CANX: variants seen among roughly 807,000 people sequenced by gnomAD.
The protein encoded by CANX is epididymis secretory sperm binding protein.
Under a neutral mutation model 75.7 loss-of-function variants are expected in CANX, and 14 were observed. That is an observed-to-expected ratio of 0.19 (90% confidence interval 0.12 to 0.29). CANX has a LOEUF of 0.29. Ranked by LOEUF, CANX falls within the 10% of genes least tolerant of loss-of-function variation. The pLI is 1.00. For missense variants in CANX, 567 were observed against 713.2 expected (o/e 0.79, Z 2.34); for synonymous variants, 227 against 236.9 (o/e 0.96, Z 0.38).
chr5:179,678,821 A>G, intron 1 of CANX: 3 of 1,536,942 alleles, frequency 2.0e-6, no homozygotes, highest in Non-Finnish European at 2.6e-6. Context: ...GGACCGCTGC[A>G]CCTGCGCCTT....
chr5:179,682,446 C>T (rs969664241), intron 1 of CANX, among the ~76,000 whole-genome samples: 21 of 151,920 alleles, frequency 1.4e-4, no homozygotes, highest in African/African-American at 4.8e-4. Context: ...TGCAGTGGCT[C>T]ACGCCTGTAA....
At chr5:179,711,119 G>T (rs1231135974) in intron 7 of CANX, among the ~76,000 whole-genome samples, 2 of 152,050 alleles carry the variant, frequency 1.3e-5, no homozygotes, top group Non-Finnish European at 2.9e-5. Flanking sequence ...ACCTTAATTT[G>T]TCAGCATTAA....
At chr5:179,687,617 A>G (rs1776214504) in intron 1 of CANX, among the ~76,000 whole-genome samples, 1 of 152,156 alleles carries the variant, frequency 6.6e-6, no homozygotes, top group African/African-American at 2.4e-5. Flanking sequence ...GAAGACACTC[A>G]AGAGCTTAAA....
intron 1 of CANX, among the ~76,000 whole-genome samples, chr5:179,684,659 C>G (rs1386227306): frequency 6.6e-6 from 1 of 151,202 alleles, no homozygotes; most frequent in Non-Finnish European, 1.5e-5. Flanking sequence ...TAATTTTAGC[C>G]ATAGTGGTAG....
chr5:179,679,282 C>T (rs1315555011), intron 1 of CANX: 2 of 1,509,022 alleles, frequency 1.3e-6, no homozygotes, highest in African/African-American at 1.4e-5. Flanking sequence ...GACAAGAGTC[C>T]GGGTGAGCAG....
chr5:179,712,111 A>AAG (rs927294213), intron 7 of CANX, among the ~76,000 whole-genome samples: 3 of 150,174 alleles, frequency 2.0e-5, no homozygotes, highest in Admixed American at 6.6e-5. Flanking sequence ...CTCCAAAAAA[A>AAG]AAGGTGTTTT....
chr5:179,713,754 C>CA (rs11403069), intron 7 of CANX, among the ~76,000 whole-genome samples: 68,531 of 151,438 alleles, frequency 0.45, 17,173 homozygotes, highest in South Asian at 0.63. Flanking sequence ...CTTGTTCCTA[C>CA]AAAAAAATAA....
chr5:179,679,267 T>G, intron 1 of CANX: 1 of 1,520,094 alleles, frequency 6.6e-7, no homozygotes. Flanking sequence ...GGGGCGCTGC[T>G]GGGAGACAAG....
chr5:179,702,158 C>T (rs1423913885), intron 1 of CANX, among the ~76,000 whole-genome samples: 1 of 148,414 alleles, frequency 6.7e-6, no homozygotes, highest in African/African-American at 2.5e-5. Context: ...ATCTTCCTGC[C>T]TCAGTCTCCT....
intron 1 of CANX, among the ~76,000 whole-genome samples, chr5:179,690,308 G>A (rs1259536674): frequency 1.3e-5 from 2 of 152,208 alleles, no homozygotes; most frequent in African/African-American, 4.8e-5. Context: ...AGGCGCAGTG[G>A]CTCACGCCTG....
At chr5:179,708,450 A>C in intron 5 of CANX, 70 bp downstream of exon 5, 1 of 1,396,196 alleles carries the variant, frequency 7.2e-7, no homozygotes, top group Non-Finnish European at 9.8e-7. Flanking sequence ...TGTAACTTTT[A>C]CTCTATGTTA....
chr5:179,678,888 C>T, intron 1 of CANX: 1 of 1,535,530 alleles, frequency 6.5e-7, no homozygotes, highest in Non-Finnish European at 8.7e-7. Flanking sequence ...AGCTGGCTCT[C>T]AGTGGTCCAC....
At chr5:179,698,934 C>A (rs4701196), upstream of CANX, 299,398 of 1,135,230 alleles carry the variant, frequency 0.26, 41,875 homozygotes, top group Non-Finnish European at 0.29. Context: ...GGCACAGGGC[C>A]GGGCTTCGTG....
In CANX at chr5:179,684,919, A is replaced by ATTTTT. The variant is rs1562433057; in HGVS notation, c.-4+6146_-4+6147insTTTTT. ...AGGCGTGTGCCACCACACCTGGCTAATTTTGTATTTTTTTTTTTTTTTTTT... is the reference window on the plus strand; with the variant it reads ...AGGCGTGTGCCACCACACCTGGCTAATTTTTTTTTGTATTTTTTTTTTTTTTTTTT... On this transcript the variant is annotated intron_variant, in intron 1 of 14. Coordinates refer to the CANX transcript ENST00000681674. 2.3e-3 allele frequency among the ~76,000 whole-genome samples: 218 copies of ATTTTT among 95,228 alleles called. 5 individuals carry two copies. Among genetic ancestry groups the ATTTTT allele is most frequent in the African/African-American group, 8.5e-3 (199 of 23,372 alleles). 62.5% of individuals were successfully genotyped at this position (95,228 alleles called of 152,430 possible). A position where few individuals can be genotyped will look rare whatever the true frequency, so the allele number is the denominator to read the frequency against.
intron 1 of CANX, among the ~76,000 whole-genome samples, chr5:179,686,975 C>T (rs1437488315): frequency 6.6e-6 from 1 of 152,062 alleles, no homozygotes; most frequent in Non-Finnish European, 1.5e-5. Flanking sequence ...CAGGGTTTTG[C>T]CATATTGGTC....
At chr5:179,705,544 C>T in intron 1 of CANX, 135 bp from the exon 2 acceptor site, 1 of 679,606 alleles carries the variant, frequency 1.5e-6, no homozygotes, top group Non-Finnish European at 2.5e-6. Context: ...CTTTCTTTAT[C>T]TATGAAATGA....
At chr5:179,692,760 C>T (rs1230572581) in intron 1 of CANX, among the ~76,000 whole-genome samples, 1 of 152,148 alleles carries the variant, frequency 6.6e-6, no homozygotes, top group Non-Finnish European at 1.5e-5. Context: ...AAGTGATCTG[C>T]CTGCCTCGGC....
At chr5:179,695,194 C>A (rs1382465011), upstream of CANX, among the ~76,000 whole-genome samples, 4 of 151,926 alleles carry the variant, frequency 2.6e-5, no homozygotes, top group African/African-American at 9.7e-5. Flanking sequence ...GGACTACAGG[C>A]ACCCGCCCCA....
Position 179,709,958 on chromosome 5 carries a change from G to T in CANX, c.614G>T (p.Arg205Leu). 2 of 1,612,964 alleles carry T rather than the reference G, an allele frequency of 1.2e-6. No individual in the cohort carries two copies. Among genetic ancestry groups the T allele is most frequent in the East Asian group, 2.2e-5 (1 of 44,840 alleles). ...GACTATAAACTGCACTTCATCTTCC[G>T]ACACAAAAACCCCAAAACGGGTATC... The part of the protein sequence containing the change: ...GEDYKLHFIF[R>L]HKNPKTGIYE... Residue 205 changes from arginine to leucine, a missense_variant, in exon 7 of 15, where the codon CGA (arginine) becomes CTA (leucine). Physicochemically the swap from Arg to Leu is moderately radical, Grantham distance 102. Transcript: ENST00000247461.
Sources: gnomAD v4.1 joint callset for allele counts (sites outside exome capture counted in the v4.1 genomes callset) on GRCh38, gnomAD v4.1.1 for gene constraint, MANE v1.5 for transcripts, NCBI Gene and HGNC (gene_info 2026-07-23, HGNC 2026-07-21) for gene names.